NUMB: variants seen among roughly 807,000 people sequenced by gnomAD.
NUMB encodes NUMB endocytic adaptor protein.
Under a neutral mutation model 59.7 loss-of-function variants are expected in NUMB, and 29 were observed. The ratio of observed to expected loss-of-function variants is 0.49; its 90% CI spans 0.36 to 0.66. The LOEUF (loss-of-function observed/expected upper bound fraction) is 0.66, where lower values mean the gene tolerates loss of function less well. Ranked by LOEUF, NUMB falls within the 30% of genes least tolerant of loss-of-function variation. The pLI is 0.00. For missense variants in NUMB, 723 were observed against 822.0 expected, an observed-to-expected ratio of 0.88 and a Z score of 1.47; for synonymous variants, 288 against 288.2, an observed-to-expected ratio of 1.00 and a Z score of 0.01.
chr14:73,413,750 C>G (rs537072385), intron 1 of NUMB, among the ~76,000 whole-genome samples: 1 of 151,954 alleles, frequency 6.6e-6, no homozygotes, highest in African/African-American at 2.4e-5. Flanking sequence ...ACTCTACACT[C>G]TAGCCCGAGT....
chr14:73,295,526 G>A (rs1293170732), intron 7 of NUMB, among the ~76,000 whole-genome samples: 3 of 152,116 alleles, frequency 2.0e-5, no homozygotes, highest in African/African-American at 7.2e-5. Context: ...GTTTCCAACA[G>A]TAATGTACTA....
At chr14:73,396,452 A>G in intron 2 of NUMB, among the ~76,000 whole-genome samples, 1 of 151,786 alleles carries the variant, frequency 6.6e-6, no homozygotes, top group Non-Finnish European at 1.5e-5. Context: ...GGCTCAAGGG[A>G]TCTTCCCACC....
chr14:73,346,984 C>A (rs1365468343), intron 4 of NUMB, among the ~76,000 whole-genome samples: 2 of 152,116 alleles, frequency 1.3e-5, no homozygotes, highest in Non-Finnish European at 2.9e-5. Context: ...AAGGAAATCA[C>A]AGGTGATTTA....
At chr14:73,454,067 G>T (rs776166220) in intron 1 of NUMB, among the ~76,000 whole-genome samples, 1 of 136,012 alleles carries the variant, frequency 7.4e-6, no homozygotes, top group Non-Finnish European at 1.5e-5. Context: ...AAAGTTGGGC[G>T]GGGGGGGAAC....
intron 6 of NUMB, among the ~76,000 whole-genome samples, chr14:73,315,086 G>A (rs894016992): frequency 6.6e-6 from 1 of 152,102 alleles, no homozygotes; most frequent in Non-Finnish European, 1.5e-5. Flanking sequence ...ATTGAGAGGA[G>A]TAACTGAATT....
chr14:73,411,178 T>C (rs1241436367), intron 1 of NUMB, among the ~76,000 whole-genome samples: 1 of 135,808 alleles, frequency 7.4e-6, no homozygotes, highest in African/African-American at 2.7e-5. Context: ...ACTACAGGCA[T>C]GTGCCATCAT....
rs1346168736 is a variant in NUMB at position 73,451,164 on chromosome 14, AAAAAAAAAAAC to A, written c.-233+7318_-233+7328del. Among the ~76,000 whole-genome samples the A allele has an allele frequency of 3.4e-3, 496 of 146,778 alleles. 3 individuals carry two copies. Among genetic ancestry groups the A allele is most frequent in the Non-Finnish European group, 5.9e-3 (391 of 66,664 alleles). ...GCAGGACTCTGTCTCAAAAAAAAAA[AAAAAAAAAAAC>A]AAAAAACAAATCTACACTTCGGGAG... On this transcript the variant is annotated intron_variant, in intron 1 of 12. Coordinates refer to ENST00000555238, the MANE Select transcript of NUMB (RefSeq NM_001005743.2).
intron 1 of NUMB, among the ~76,000 whole-genome samples, chr14:73,445,854 C>G (rs1883459487): frequency 6.6e-6 from 1 of 152,150 alleles, no homozygotes. Context: ...ACGTCATAAA[C>G]TCAGCCCCCA....
chr14:73,328,887 G>A (rs1270869708), intron 4 of NUMB, among the ~76,000 whole-genome samples: 1 of 152,124 alleles, frequency 6.6e-6, no homozygotes, highest in Admixed American at 6.6e-5. Context: ...TTTGTTCTGA[G>A]ACGGAGTCTC....
At chr14:73,450,669 C>T (rs1307429734) in intron 1 of NUMB, among the ~76,000 whole-genome samples, 2 of 152,072 alleles carry the variant, frequency 1.3e-5, no homozygotes, top group Non-Finnish European at 2.9e-5. Flanking sequence ...GTGGCACACG[C>T]CTGTAATCCC....
At chr14:73,302,400 C>T (rs1317122835) in intron 6 of NUMB, among the ~76,000 whole-genome samples, 1 of 133,272 alleles carries the variant, frequency 7.5e-6, no homozygotes, top group South Asian at 2.4e-4. Flanking sequence ...AATACTTCCA[C>T]ATTTCTTTTT....
chr14:73,370,905 GA>G (rs1422318916), intron 2 of NUMB, among the ~76,000 whole-genome samples: 1 of 152,098 alleles, frequency 6.6e-6, no homozygotes, highest in African/African-American at 2.4e-5. Flanking sequence ...CAAATTTAAA[GA>G]AAATTTGCAA....
intron 2 of NUMB, among the ~76,000 whole-genome samples, chr14:73,385,817 A>T (rs536308399): frequency 6.6e-6 from 1 of 152,198 alleles, no homozygotes; most frequent in African/African-American, 2.4e-5. Context: ...TGGCTTCTGT[A>T]ATGAAAGGCA....
chr14:73,325,497 CAA>C (rs1891615776), intron 4 of NUMB, among the ~76,000 whole-genome samples: 1 of 152,078 alleles, frequency 6.6e-6, no homozygotes, highest in African/African-American at 2.4e-5. Flanking sequence ...AAATAAAAAA[CAA>C]AAATCCACCT....
chr14:73,351,702 C>T (rs1191369953), intron 4 of NUMB, among the ~76,000 whole-genome samples: 1 of 152,018 alleles, frequency 6.6e-6, no homozygotes, highest in African/African-American at 2.4e-5. Flanking sequence ...AGGGGCCAGG[C>T]GCGGTGGCTC....
At chr14:73,429,093 C>T (rs1227380277) in intron 1 of NUMB, among the ~76,000 whole-genome samples, 1 of 152,182 alleles carries the variant, frequency 6.6e-6, no homozygotes, top group Non-Finnish European at 1.5e-5. Context: ...CCCTAGGGGC[C>T]GGGCACAGTG....
intron 1 of NUMB, among the ~76,000 whole-genome samples, chr14:73,445,121 CACT>C (rs1358589967): frequency 6.6e-6 from 1 of 151,794 alleles, no homozygotes; most frequent in Admixed American, 6.6e-5. Context: ...TTAGCTGTAA[CACT>C]ACTAACGTGG....
At chr14:73,313,992 T>C (rs1410984195) in intron 6 of NUMB, among the ~76,000 whole-genome samples, 1 of 151,374 alleles carries the variant, frequency 6.6e-6, no homozygotes, top group Non-Finnish European at 1.5e-5. Context: ...AGGTCAGGAG[T>C]TCAAGACCAG....
chr14:73,328,310 A>T (rs1315890797), intron 4 of NUMB, among the ~76,000 whole-genome samples: 2 of 152,034 alleles, frequency 1.3e-5, no homozygotes, highest in African/African-American at 4.8e-5. Context: ...GGAATCATAC[A>T]GTATGTTCTC....
Sources: allele counts gnomAD v4.1 joint callset (sites outside exome capture counted in the v4.1 genomes callset), GRCh38; gene constraint gnomAD v4.1.1; transcripts MANE v1.5; gene names NCBI Gene and HGNC (gene_info 2026-07-23, HGNC 2026-07-21).